The following ADCK1 variants were observed in gnomAD, a reference collection of about 807,000 sequenced individuals.
ADCK1 encodes aarF domain containing kinase 1, also known as aarF domain-containing protein kinase 1.
ADCK1 carries 41 observed loss-of-function variants against 52.3 expected under a neutral mutation model. The observed-to-expected ratio is 0.78, with a 90% CI of 0.61 to 1.02. The LOEUF (loss-of-function observed/expected upper bound fraction) is 1.02, where lower values mean the gene tolerates loss of function less well. Among genes scored for constraint, ADCK1 ranks in the 50% least tolerant of loss-of-function variants. The probability of loss-of-function intolerance (pLI) is 0.00; values close to 1 mark genes in which losing one functional copy is unlikely to be tolerated. For missense variants in ADCK1, 658 were observed against 679.5 expected (o/e 0.97, Z 0.35); for synonymous variants, 250 against 274.6 (o/e 0.91, Z 0.89).
At chr14:77,813,040 T>G (rs972582750) in intron 1 of ADCK1, among the ~76,000 whole-genome samples, 2 of 152,048 alleles carry the variant, frequency 1.3e-5, no homozygotes, top group African/African-American at 2.4e-5. Flanking sequence ...TTCACTCTTG[T>G]TGCCCAGGCT....
chr14:77,847,096 G>A (rs542140479), intron 3 of ADCK1, among the ~76,000 whole-genome samples: 5 of 152,282 alleles, frequency 3.3e-5, no homozygotes, highest in South Asian at 4.1e-4. Context: ...AGGATTTTTC[G>A]CAGGTGAAAA....
intron 1 of ADCK1, among the ~76,000 whole-genome samples, chr14:77,817,453 A>G (rs1230586648): frequency 6.6e-6 from 1 of 152,122 alleles, no homozygotes; most frequent in African/African-American, 2.4e-5. Context: ...AGCTGTGGTC[A>G]TGGACTTTAG....
chr14:77,831,029 A>T (rs559782857), intron 3 of ADCK1, among the ~76,000 whole-genome samples: 2 of 152,340 alleles, frequency 1.3e-5, no homozygotes, highest in African/African-American at 4.8e-5. Flanking sequence ...ACTGATAGAC[A>T]CAGGGCTGAG....
At position 77,922,225 on chromosome 14, in the gene ADCK1, C is replaced by A. The variant is rs549780292; in HGVS notation, c.859-2232C>A. On this transcript the variant is annotated intron_variant, in intron 7 of 10. Transcript: ENST00000238561. ...AGGACCAGCCCTGGCTGGGGGCCCC[C>A]TCTCCAGGGAAGCAGACAGTGGTGG... 5.9e-5 allele frequency among the ~76,000 whole-genome samples: 9 copies of A among 152,270 alleles called. No individual in the cohort carries two copies. The South Asian group carries it at 1.9e-3, about 32-fold the overall frequency.
intron 3 of ADCK1, among the ~76,000 whole-genome samples, chr14:77,841,481 A>T (rs2082064378): frequency 6.6e-6 from 1 of 152,056 alleles, no homozygotes; most frequent in Non-Finnish European, 1.5e-5. Flanking sequence ...AAATGTAATT[A>T]AAAAGTGTGG....
rs933915091 is a variant in ADCK1, at chr14:77,861,516, G to A, written c.423+2237G>A. Among the ~76,000 whole-genome samples, 13 of 152,094 alleles carry A rather than the reference G, an allele frequency of 8.5e-5. 1 individual carries two copies. The highest frequency in any genetic ancestry group is 7.9e-4 in the Admixed American group (12 of 15,274). ...AGTCTCGCCTCCAGGATGCTTGAGT[G>A]GGCCCCACTCATCCTCAGCTCCATG... On this transcript the variant is annotated intron_variant, in intron 4 of 10. Transcript: ENST00000238561.
At chr14:77,861,379 G>A (rs961268921) in intron 4 of ADCK1, among the ~76,000 whole-genome samples, 1 of 152,002 alleles carries the variant, frequency 6.6e-6, no homozygotes, top group African/African-American at 2.4e-5. Context: ...GAGGGGAGCG[G>A]GGCCATGTGG....
At chr14:77,871,465 G>T (rs868353745) in intron 4 of ADCK1, among the ~76,000 whole-genome samples, 6 of 151,946 alleles carry the variant, frequency 3.9e-5, no homozygotes, top group Non-Finnish European at 7.4e-5. Flanking sequence ...TCAAGCGATT[G>T]TCCCGCCTCA....
At chr14:77,912,607 T>A (rs975561676) in intron 7 of ADCK1, among the ~76,000 whole-genome samples, 1 of 152,124 alleles carries the variant, frequency 6.6e-6, no homozygotes, top group Admixed American at 6.5e-5. Flanking sequence ...CTGTGAGCAT[T>A]CCTTGGGGAG....
At chr14:77,882,968 G>T (rs566067719) in intron 4 of ADCK1, among the ~76,000 whole-genome samples, 2 of 77,884 alleles carry the variant, frequency 2.6e-5, no homozygotes, top group African/African-American at 5.2e-5. Context: ...CCCCCCCCCC[G>T]TGCTTTTTTG....
intron 5 of ADCK1, among the ~76,000 whole-genome samples, chr14:77,893,539 T>C (rs899579640): frequency 6.6e-6 from 1 of 152,094 alleles, no homozygotes; most frequent in Non-Finnish European, 1.5e-5. Flanking sequence ...CATGCACTAC[T>C]GGGCCCCAAG....
chr14:77,924,390 C>T (rs912303470), intron 7 of ADCK1, 67 bp from the exon 8 acceptor site: 2 of 1,582,696 alleles, frequency 1.3e-6, no homozygotes, highest in South Asian at 2.3e-5. Flanking sequence ...CATTGAGAGA[C>T]CAGACAGAGG....
At chr14:77,902,958 A>G (rs544994795) in intron 6 of ADCK1, among the ~76,000 whole-genome samples, 9 of 152,154 alleles carry the variant, frequency 5.9e-5, no homozygotes, top group Non-Finnish European at 1.2e-4. Context: ...CTCTCAGGAT[A>G]CTCTGCTGCC....
chr14:77,836,840 C>T (rs918667881), intron 3 of ADCK1, among the ~76,000 whole-genome samples: 4 of 136,268 alleles, frequency 2.9e-5, no homozygotes, highest in Non-Finnish European at 6.1e-5. Flanking sequence ...ATGGTGCGAT[C>T]TTGGCTCACT....
chr14:77,932,824 G>A (rs954082483), intron 10 of ADCK1, among the ~76,000 whole-genome samples: 1 of 152,192 alleles, frequency 6.6e-6, no homozygotes, highest in Non-Finnish European at 1.5e-5. Flanking sequence ...AGGACCACCT[G>A]ACCAGGTTTC....
intron 4 of ADCK1, among the ~76,000 whole-genome samples, chr14:77,867,126 C>T (rs1402355818): frequency 6.6e-6 from 1 of 152,230 alleles, no homozygotes; most frequent in East Asian, 1.9e-4. Context: ...CCCATGCTGG[C>T]AGGGTCCAGC....
chr14:77,925,693 C>A, intron 8 of ADCK1, 71 bp from the exon 9 acceptor site: 1 of 1,498,064 alleles, frequency 6.7e-7, no homozygotes, highest in South Asian at 1.2e-5. Context: ...CAATGGTTGG[C>A]ATCAGCCAGG....
At chr14:77,924,342 C>A (rs1281214805) in intron 7 of ADCK1, 115 bp from the exon 8 acceptor site, 4 of 1,381,380 alleles carry the variant, frequency 2.9e-6, no homozygotes, top group East Asian at 2.3e-5. Context: ...ACCGCTCCGG[C>A]CCACCGATTT....
Position 77,822,490 on chromosome 14 carries a change from C to A in ADCK1, c.191C>A (p.Ser64Ter), listed in dbSNP as rs752081377. The change falls in exon 3 of 11, where the codon TCA (serine) becomes TAA (stop). Residue 64 changes from serine (S) to a stop codon, truncating the protein, a stop_gained. Transcript: ENST00000238561. LOFTEE classifies it high-confidence loss of function. Reference sequence around the variant, plus strand: ...TCCCTGAAGAGTGTCCCTTATGGCTCAGAGGAGTACTTGCAGCTGAGATCT... The same window carrying A: ...TCCCTGAAGAGTGTCCCTTATGGCTAAGAGGAGTACTTGCAGCTGAGATCT... Reference protein sequence around the residue: ...LTSLKSVPYGSEEYLQLRSKV... With the variant: ...LTSLKSVPYG 2 of 1,614,088 alleles carry A rather than the reference C, an allele frequency of 1.2e-6. No homozygotes were observed. The highest frequency in any genetic ancestry group is 1.1e-5 in the South Asian group (1 of 91,084).
Sources: allele counts gnomAD v4.1 joint callset (sites outside exome capture counted in the v4.1 genomes callset), GRCh38; gene constraint gnomAD v4.1.1; transcripts MANE v1.5; gene names NCBI Gene and HGNC (gene_info 2026-07-23, HGNC 2026-07-21).